Variants in EPB41L5 observed in about 807,000 individuals in gnomAD.
EPB41L5 encodes band 4.1-like protein 5.
In EPB41L5, 55 loss-of-function variants were observed where a neutral mutation model predicts 106.6. That is an observed-to-expected ratio of 0.52 (90% CI 0.42 to 0.65). The LOEUF (loss-of-function observed/expected upper bound fraction) is 0.65, where lower values mean the gene tolerates loss of function less well. Among genes scored for constraint, EPB41L5 ranks in the 30% least tolerant of loss-of-function variants. The pLI, the probability that EPB41L5 is intolerant of heterozygous loss-of-function variation, is 0.00. For missense variants in EPB41L5, 871 were observed against 882.1 expected (o/e 0.99, Z 0.16); for synonymous variants, 297 against 306.7 (o/e 0.97, Z 0.33).
intron 16 of EPB41L5, among the ~76,000 whole-genome samples, chr2:120,120,723 TA>T (rs1685180445): frequency 6.6e-6 from 1 of 152,182 alleles, no homozygotes; most frequent in South Asian, 2.1e-4. Context: ...GGTTAAAGAC[TA>T]AAATAATGAG....
chr2:120,139,363 G>A (rs570849276), intron 18 of EPB41L5, among the ~76,000 whole-genome samples: 2 of 151,976 alleles, frequency 1.3e-5, no homozygotes, highest in East Asian at 3.9e-4. Context: ...GCACAGCAAA[G>A]GAAACAATCA....
intron 1 of EPB41L5, chr2:120,013,750 A>C (rs1029139435): frequency 2.0e-5 from 3 of 152,234 alleles, no homozygotes; most frequent in African/African-American, 7.2e-5. Context: ...TGTCGTGCTA[A>C]TGATGGGTTC....
At position 120,160,910 on chromosome 2, in the gene EPB41L5, T is replaced by G. The variant is rs779582918; in HGVS notation, c.1823T>G (p.Leu608Arg). The G allele has an allele frequency of 3.1e-6, 5 of 1,613,366 alleles. No homozygotes were observed. Among genetic ancestry groups the G allele is most frequent in the Non-Finnish European group, 4.2e-6 (5 of 1,179,470 alleles). The change falls in exon 21 of 25, where the codon CTC (leucine) becomes CGC (arginine). Residue 608 changes from leucine (L) to arginine (R), a missense_variant. By Grantham distance (102) the Leu-to-Arg change is moderately radical. Coordinates refer to ENST00000263713, the MANE Select transcript of EPB41L5 (RefSeq NM_020909.4). Reference protein sequence around the residue: ...SAVLNENNVPLPKESLETLML... With the variant: ...SAVLNENNVPRPKESLETLML... ...GTGTTAAATGAGAATAATGTGCCCC[T>G]CCCCAAAGAGTCTCTTGAGACTCTG...
At chr2:120,085,198 C>G (rs1447981411) in intron 10 of EPB41L5, among the ~76,000 whole-genome samples, 1 of 152,144 alleles carries the variant, frequency 6.6e-6, no homozygotes, top group African/African-American at 2.4e-5. Flanking sequence ...GAGAGGCGCT[C>G]TGATTTTTAG....
At chr2:120,020,602 T>G (rs1677854519) in intron 2 of EPB41L5, among the ~76,000 whole-genome samples, 1 of 152,082 alleles carries the variant, frequency 6.6e-6, no homozygotes, top group Non-Finnish European at 1.5e-5. Flanking sequence ...CAACATGAGA[T>G]ATTTTGTGAG....
chr2:120,026,180 A>T (rs1484706114), intron 2 of EPB41L5, among the ~76,000 whole-genome samples: 2 of 152,164 alleles, frequency 1.3e-5, no homozygotes, highest in Non-Finnish European at 2.9e-5. Flanking sequence ...AAATAGGCAT[A>T]ATTTTTGGAA....
At chr2:120,017,735 T>G (rs1415926074) in intron 1 of EPB41L5, among the ~76,000 whole-genome samples, 4 of 152,220 alleles carry the variant, frequency 2.6e-5, no homozygotes, top group Non-Finnish European at 2.9e-5. Context: ...TATATCTGTA[T>G]TTTAGCTGAA....
At chr2:120,127,558 G>C in intron 16 of EPB41L5, 130 bp from the exon 17 acceptor site, 1 of 659,688 alleles carries the variant, frequency 1.5e-6, no homozygotes, top group South Asian at 3.0e-5. Flanking sequence ...TTTTATTTTT[G>C]TTTTATTTTT....
chr2:120,096,651 G>A lies in EPB41L5; in HGVS notation c.1178+3375G>A, dbSNP rs561150610. Among the ~76,000 whole-genome samples the A allele has an allele frequency of 4.6e-5, 7 of 152,132 alleles. No homozygotes were observed. In the South Asian group the frequency reaches 8.3e-4, roughly 18 times the overall value. ...CTAAAAATACAAAAATCAGCTGGGC[G>A]TGGTGGTGCGCGCCTGTAATCCCAG... is the stretch of plus-strand genomic sequence containing the variant. On this transcript the variant is annotated intron_variant, in intron 14 of 24. Transcript: ENST00000263713.
chr2:120,040,399 A>AT (rs1435778760), intron 2 of EPB41L5, among the ~76,000 whole-genome samples: 1 of 152,162 alleles, frequency 6.6e-6, no homozygotes, highest in African/African-American at 2.4e-5. Flanking sequence ...AATGGAATAA[A>AT]TTTTTTTTGA....
intron 24 of EPB41L5, among the ~76,000 whole-genome samples, chr2:120,168,723 T>TTTAA (rs1173569178): frequency 2.5e-4 from 38 of 152,156 alleles, no homozygotes; most frequent in African/African-American, 9.2e-4. Flanking sequence ...TTGAAAGAAA[T>TTTAA]TCAGTTTAAT....
chr2:120,112,484 G>T (rs986196531), intron 16 of EPB41L5, among the ~76,000 whole-genome samples: 1 of 152,130 alleles, frequency 6.6e-6, no homozygotes, highest in South Asian at 2.1e-4. Flanking sequence ...TACTCAAACT[G>T]TGGAGATAAA....
chr2:120,062,264 TA>T (rs1681135574), intron 3 of EPB41L5, among the ~76,000 whole-genome samples: 1 of 152,172 alleles, frequency 6.6e-6, no homozygotes, highest in African/African-American at 2.4e-5. Flanking sequence ...AATAACATGT[TA>T]AATGTATATA....
chr2:120,035,423 G>T (rs1678985070), intron 2 of EPB41L5, among the ~76,000 whole-genome samples: 1 of 152,130 alleles, frequency 6.6e-6, no homozygotes, highest in South Asian at 2.1e-4. Context: ...TTGAATATGA[G>T]CTTCTTGAAG....
At chr2:120,123,646 CTTT>C (rs869296989) in intron 16 of EPB41L5, among the ~76,000 whole-genome samples, 4 of 68,304 alleles carry the variant, frequency 5.9e-5, no homozygotes, top group African/African-American at 1.1e-4. Context: ...GTGTTCGTCC[CTTT>C]TTTTTTTTTT....
intron 3 of EPB41L5, among the ~76,000 whole-genome samples, chr2:120,049,342 T>G (rs7561019): frequency 0.69 from 105,571 of 152,026 alleles, 38,016 homozygotes; most frequent in Non-Finnish European, 0.79. Context: ...GTATCTGTGT[T>G]CTCCTGTATT....
chr2:120,060,455 A>G (rs1376402210), intron 3 of EPB41L5, among the ~76,000 whole-genome samples: 1 of 152,174 alleles, frequency 6.6e-6, no homozygotes, highest in Non-Finnish European at 1.5e-5. Context: ...ATTGATACAC[A>G]CCAACTTGGA....
intron 3 of EPB41L5, among the ~76,000 whole-genome samples, chr2:120,058,287 G>GT (rs1403770129): frequency 6.6e-6 from 1 of 152,120 alleles, no homozygotes; most frequent in Non-Finnish European, 1.5e-5. Context: ...CTGGGCTCAA[G>GT]TGATCCACCC....
chr2:120,090,397 A>T lies in EPB41L5; in HGVS notation c.924A>T (p.Ala308=), dbSNP rs994855541. 51 of 1,613,476 alleles carry T rather than the reference A, an allele frequency of 3.2e-5. No homozygotes were observed. The highest frequency in any genetic ancestry group is 4.2e-5 in the Non-Finnish European group (50 of 1,179,780). ...TFVFRLDHPK[A]CKHLWKCAVE... ...TCTTTAGACTGGATCATCCAAAAGC[A>T]TGCAAACATTTATGGAAATGTGCTG... Residue 308 remains alanine (A), a synonymous_variant, in exon 12 of 25, where the codon GCA becomes GCT. Coordinates refer to ENST00000263713, the MANE Select transcript of EPB41L5 (RefSeq NM_020909.4).
Sources: allele counts gnomAD v4.1 joint callset (sites outside exome capture counted in the v4.1 genomes callset), GRCh38; gene constraint gnomAD v4.1.1; transcripts MANE v1.5; gene names NCBI Gene and HGNC (gene_info 2026-07-23, HGNC 2026-07-21).